Variants in TBC1D22A observed in about 807,000 individuals in gnomAD.
TBC1D22A encodes putative GTPase activator.
TBC1D22A carries 38 observed loss-of-function variants against 60.2 expected under a neutral mutation model. The ratio of observed to expected loss-of-function variants is 0.63; its 90% confidence interval spans 0.49 to 0.83. The LOEUF is 0.83. TBC1D22A is among the 40% of genes least tolerant of loss of function. The probability of loss-of-function intolerance (pLI) is 0.00; values close to 1 mark genes in which losing one functional copy is unlikely to be tolerated. For synonymous variants in TBC1D22A, 302 were observed against 281.7 expected, an observed-to-expected ratio of 1.07 and a Z score of -0.72; for missense variants, 628 against 701.0, an observed-to-expected ratio of 0.90 and a Z score of 1.18.
chr22:47,154,206 G>T (rs953167110), intron 12 of TBC1D22A, among the ~76,000 whole-genome samples: 7 of 152,108 alleles, frequency 4.6e-5, no homozygotes, highest in Admixed American at 6.5e-5. Flanking sequence ...GCGGTCCTGT[G>T]TGCCCCTGTC....
At chr22:46,989,198 G>A (rs1483225100) in intron 9 of TBC1D22A, among the ~76,000 whole-genome samples, 4 of 152,216 alleles carry the variant, frequency 2.6e-5, no homozygotes, top group South Asian at 2.1e-4. Context: ...AGGAGAATGT[G>A]TAGCTGTTTG....
At chr22:46,919,003 C>T (rs2070567556) in intron 8 of TBC1D22A, among the ~76,000 whole-genome samples, 1 of 152,162 alleles carries the variant, frequency 6.6e-6, no homozygotes, top group Non-Finnish European at 1.5e-5. Flanking sequence ...TATTGAGATT[C>T]AGTTTAGAAA....
At chr22:46,793,867 G>A (rs2084535425) in intron 3 of TBC1D22A, 26 bp downstream of exon 3, 1 of 1,513,694 alleles carries the variant, frequency 6.6e-7, no homozygotes, top group Non-Finnish European at 8.8e-7. Context: ...TGAAGAGATG[G>A]TCTGGGTTTC....
chr22:46,906,809 G>T (rs2069511225), intron 7 of TBC1D22A, among the ~76,000 whole-genome samples: 1 of 146,750 alleles, frequency 6.8e-6, no homozygotes, highest in South Asian at 2.1e-4. Flanking sequence ...GTATGTGTGT[G>T]TGTGCTCTAG....
chr22:46,904,149 A>ATCTATCTATCTG (rs1166059872), intron 7 of TBC1D22A, among the ~76,000 whole-genome samples: 5 of 78,854 alleles, frequency 6.3e-5, no homozygotes, highest in African/African-American at 1.4e-4. Context: ...CTATCTACCT[A>ATCTATCTATCTG]CCTACCTACC....
intron 12 of TBC1D22A, among the ~76,000 whole-genome samples, chr22:47,165,443 G>A (rs534457036): frequency 8.5e-4 from 129 of 152,210 alleles, no homozygotes; most frequent in African/African-American, 3.0e-3. Context: ...GGCTCCCCTC[G>A]CCATCGCCAT....
intron 11 of TBC1D22A, among the ~76,000 whole-genome samples, chr22:47,053,630 A>G (rs16996242): frequency 0.017 from 2,520 of 151,424 alleles, 81 homozygotes; most frequent in African/African-American, 0.058. Context: ...TGTGCACAGC[A>G]GGAGGTTGAG....
At chr22:46,876,043 G>C (rs935265924) in intron 4 of TBC1D22A, among the ~76,000 whole-genome samples, 2 of 152,170 alleles carry the variant, frequency 1.3e-5, no homozygotes. Flanking sequence ...CAGGTCTTGC[G>C]ATGGGCCCTG....
intron 12 of TBC1D22A, among the ~76,000 whole-genome samples, chr22:47,139,450 A>G (rs1391793034): frequency 1.3e-5 from 2 of 152,240 alleles, no homozygotes; most frequent in Non-Finnish European, 2.9e-5. Context: ...CGGGGTCTGC[A>G]TTGTCAGGGG....
chr22:46,928,234 A>G (rs1398789401), intron 8 of TBC1D22A, among the ~76,000 whole-genome samples: 3 of 152,264 alleles, frequency 2.0e-5, no homozygotes, highest in Non-Finnish European at 4.4e-5. Context: ...AGACATGTAG[A>G]TCAGTGGAGT....
chr22:47,065,583 G>T (rs2063722802), intron 11 of TBC1D22A, among the ~76,000 whole-genome samples: 1 of 44,728 alleles, frequency 2.2e-5, no homozygotes. Context: ...TATTAGTGAA[G>T]ATTTCATTGT....
At chr22:46,943,346 CAT>C (rs762147138) in intron 8 of TBC1D22A, among the ~76,000 whole-genome samples, 8 of 152,076 alleles carry the variant, frequency 5.3e-5, no homozygotes, top group Non-Finnish European at 1.2e-4. Context: ...TTTTTCCGCA[CAT>C]GATAGACCTT....
At chr22:47,155,221 A>G (rs1464341240) in intron 12 of TBC1D22A, among the ~76,000 whole-genome samples, 4 of 151,842 alleles carry the variant, frequency 2.6e-5, no homozygotes, top group Non-Finnish European at 5.9e-5. Context: ...TTGGAAAAAA[A>G]AAAAATGAAA....
chr22:46,839,047 A>T (rs1360118072), intron 4 of TBC1D22A, among the ~76,000 whole-genome samples: 1 of 152,248 alleles, frequency 6.6e-6, no homozygotes, highest in Admixed American at 6.5e-5. Flanking sequence ...CAAATCAAAA[A>T]GGAAAAATAA....
intron 4 of TBC1D22A, among the ~76,000 whole-genome samples, chr22:46,874,500 A>G (rs1195318642): frequency 7.6e-6 from 1 of 132,118 alleles, no homozygotes; most frequent in Non-Finnish European, 1.6e-5. Flanking sequence ...TTTGATTTGC[A>G]TTTCCCTAAC....
Position 47,068,053 on chromosome 22 carries a change from C to A in TBC1D22A, c.1329+30855C>A, listed in dbSNP as rs545338856. On this transcript the variant is annotated intron_variant, in intron 11 of 12. Transcript: ENST00000337137. Reference sequence around the variant, plus strand: ...GTAGACATACCTCCACCAGAGTCCGCGAAAGCGCTCGGCAGGGAGAGCTGG... The same window carrying A: ...GTAGACATACCTCCACCAGAGTCCGAGAAAGCGCTCGGCAGGGAGAGCTGG... Among the ~76,000 whole-genome samples, 524 of 152,376 alleles carry A rather than the reference C, an allele frequency of 3.4e-3. 1 individual carries two copies. Among genetic ancestry groups the A allele is most frequent in the Non-Finnish European group, 5.8e-3 (397 of 68,038 alleles).
chr22:46,886,289 T>C (rs949174595), intron 5 of TBC1D22A, among the ~76,000 whole-genome samples: 14 of 152,306 alleles, frequency 9.2e-5, no homozygotes, highest in East Asian at 5.8e-4. Flanking sequence ...GTGGGAATAA[T>C]GGCCACACCT....
At chr22:46,977,895 G>T (rs530989547) in intron 9 of TBC1D22A, among the ~76,000 whole-genome samples, 1 of 152,214 alleles carries the variant, frequency 6.6e-6, no homozygotes, top group African/African-American at 2.4e-5. Flanking sequence ...GTCACCTCCA[G>T]CCAGGCCACG....
chr22:47,048,753 C>G (rs1355057180), intron 11 of TBC1D22A, among the ~76,000 whole-genome samples: 1 of 152,182 alleles, frequency 6.6e-6, no homozygotes, highest in Non-Finnish European at 1.5e-5. Context: ...GGCTGACTTA[C>G]TGTTGCCCAG....
Sources: gnomAD v4.1 joint callset for allele counts (sites outside exome capture counted in the v4.1 genomes callset) on GRCh38, gnomAD v4.1.1 for gene constraint, MANE v1.5 for transcripts, NCBI Gene and HGNC (gene_info 2026-07-23, HGNC 2026-07-21) for gene names.